The following HCN1 variants were observed in gnomAD, a reference collection of about 807,000 sequenced individuals.
HCN1 encodes hyperpolarization activated cyclic nucleotide gated potassium channel 1.
In HCN1, 13 loss-of-function variants were observed where a neutral mutation model predicts 78.9. The ratio of observed to expected loss-of-function variants is 0.16; its 90% CI spans 0.11 to 0.26. The LOEUF (loss-of-function observed/expected upper bound fraction) is 0.26, where lower values mean the gene tolerates loss of function less well. Among genes scored for constraint, HCN1 ranks in the 10% least tolerant of loss-of-function variants. The pLI is 1.00. For missense variants in HCN1, 810 were observed against 1,154.3 expected (o/e 0.70, Z 4.32); for synonymous variants, 552 against 455.5 (o/e 1.21, Z -2.70).
At chr5:45,623,542 A>G (rs549191921) in intron 2 of HCN1, among the ~76,000 whole-genome samples, 2 of 152,342 alleles carry the variant, frequency 1.3e-5, no homozygotes, top group East Asian at 1.9e-4. Flanking sequence ...TTATTTCTGC[A>G]GCTGGGTAAA....
chr5:45,498,673 G>A (rs537498498), intron 2 of HCN1, among the ~76,000 whole-genome samples: 1 of 152,276 alleles, frequency 6.6e-6, no homozygotes, highest in African/African-American at 2.4e-5. Flanking sequence ...GCTTTTTAGA[G>A]TTTCCAGTTT....
chr5:45,547,685 G>T (rs1415933823), intron 2 of HCN1, among the ~76,000 whole-genome samples: 1 of 151,916 alleles, frequency 6.6e-6, no homozygotes, highest in African/African-American at 2.4e-5. Flanking sequence ...CAATTTTTTA[G>T]GTTCTGATAC....
intron 2 of HCN1, among the ~76,000 whole-genome samples, chr5:45,533,675 G>C (rs1561191762): frequency 6.6e-6 from 1 of 152,154 alleles, no homozygotes. Context: ...ATACCATATG[G>C]AGGGCACAGC....
intron 3 of HCN1, among the ~76,000 whole-genome samples, chr5:45,425,103 A>T (rs1740319366): frequency 6.6e-6 from 1 of 152,208 alleles, no homozygotes; most frequent in Non-Finnish European, 1.5e-5. Context: ...AGCAAGGGAT[A>T]AGTGGTGGTT....
intron 2 of HCN1, among the ~76,000 whole-genome samples, chr5:45,564,742 T>C (rs896862051): frequency 2.6e-5 from 4 of 152,102 alleles, no homozygotes; most frequent in African/African-American, 9.7e-5. Flanking sequence ...TAATTGTCAG[T>C]AGTAAGGAAC....
chr5:45,493,585 T>C (rs1184531403), intron 2 of HCN1, among the ~76,000 whole-genome samples: 2 of 151,948 alleles, frequency 1.3e-5, no homozygotes, highest in African/African-American at 4.8e-5. Context: ...TCTTTTTTTT[T>C]AGCTTTTATT....
intron 2 of HCN1, among the ~76,000 whole-genome samples, chr5:45,637,082 C>G (rs1427910799): frequency 6.6e-6 from 1 of 152,116 alleles, no homozygotes; most frequent in Non-Finnish European, 1.5e-5. Context: ...TATCCCCATA[C>G]TGTCAATGAG....
chr5:45,596,427 C>T (rs1396502855), intron 2 of HCN1, among the ~76,000 whole-genome samples: 1 of 152,138 alleles, frequency 6.6e-6, no homozygotes, highest in Non-Finnish European at 1.5e-5. Flanking sequence ...AGACTGAAAT[C>T]TATAATTTAT....
intron 4 of HCN1, among the ~76,000 whole-genome samples, chr5:45,375,895 A>G (rs1435716149): frequency 1.6e-5 from 2 of 122,738 alleles, no homozygotes; most frequent in Non-Finnish European, 3.1e-5. Flanking sequence ...TATATTATAT[A>G]TGATATAATA....
At chr5:45,555,195 T>G (rs1239372635) in intron 2 of HCN1, among the ~76,000 whole-genome samples, 1 of 151,786 alleles carries the variant, frequency 6.6e-6, no homozygotes, top group South Asian at 2.1e-4. Flanking sequence ...TCAGTATAGA[T>G]GCAGAATACA....
chr5:45,696,189 C>T lies in HCN1; in HGVS notation c.-96G>A, dbSNP rs1385628240. ...CCGAGAGGGTAGGGGCCCGAGCCGG[C>T]TGCCGGCGAGCCCAGCTGCCCGTCG... is the stretch of plus-strand genomic sequence containing the variant. On this transcript the variant is annotated 5_prime_UTR_variant, in exon 1 of 8. Coordinates refer to ENST00000303230, the MANE Select transcript of HCN1 (RefSeq NM_021072.4). 2.4e-4 allele frequency: 177 copies of T among 726,644 alleles called. 3 individuals carry two copies. The East Asian group carries it at 0.013, about 52-fold the overall frequency. 45.0% of individuals were successfully genotyped at this position (726,644 alleles called of 1,614,324 possible). A position where few individuals can be genotyped will look rare whatever the true frequency, so the allele number is the denominator to read the frequency against.
chr5:45,623,212 A>G (rs1025109336), intron 2 of HCN1, among the ~76,000 whole-genome samples: 1 of 152,182 alleles, frequency 6.6e-6, no homozygotes. Context: ...TGTAGGATCC[A>G]TAAGAGGAGA....
chr5:45,303,977 G>T, intron 5 of HCN1, 138 bp from the exon 6 acceptor site: 1 of 799,184 alleles, frequency 1.3e-6, no homozygotes, highest in Non-Finnish European at 2.0e-6. Context: ...TTCTAGTAAT[G>T]CGCATCATAT....
intron 6 of HCN1, among the ~76,000 whole-genome samples, chr5:45,281,933 A>G (rs1287747274): frequency 6.6e-6 from 1 of 152,032 alleles, no homozygotes; most frequent in Admixed American, 6.6e-5. Context: ...GTTTAGTGGA[A>G]TGTTAAAAGA....
intron 5 of HCN1, among the ~76,000 whole-genome samples, chr5:45,306,706 G>C (rs1414254872): frequency 6.6e-6 from 1 of 151,958 alleles, no homozygotes; most frequent in Non-Finnish European, 1.5e-5. Context: ...CCTTTCCTTA[G>C]GGCACATTGA....
intron 5 of HCN1, among the ~76,000 whole-genome samples, chr5:45,334,333 C>G (rs187278297): frequency 1.3e-5 from 2 of 151,800 alleles, no homozygotes; most frequent in Non-Finnish European, 2.9e-5. Flanking sequence ...TCCTCTTTGT[C>G]TACTGAAATT....
At chr5:45,268,802 G>C (rs115378572) in intron 6 of HCN1, among the ~76,000 whole-genome samples, 110 of 152,292 alleles carry the variant, frequency 7.2e-4, no homozygotes, top group African/African-American at 1.9e-3. Context: ...GTGTGTGTCT[G>C]TGTAGGAAAA....
intron 3 of HCN1, among the ~76,000 whole-genome samples, chr5:45,456,969 G>T (rs907573095): frequency 6.6e-6 from 1 of 151,912 alleles, no homozygotes; most frequent in East Asian, 1.9e-4. Flanking sequence ...AACTACAAAA[G>T]CATATTCAGA....
intron 2 of HCN1, among the ~76,000 whole-genome samples, chr5:45,601,516 AAACATGTATAAACTT>A (rs1744624228): frequency 6.6e-6 from 1 of 152,148 alleles, no homozygotes; most frequent in Admixed American, 6.6e-5. Flanking sequence ...TTTTTGTTAC[AAACATGTATAAACTT>A]TAAATAAATC....
Sources: gnomAD v4.1 joint callset for allele counts (sites outside exome capture counted in the v4.1 genomes callset) on GRCh38, gnomAD v4.1.1 for gene constraint, MANE v1.5 for transcripts, NCBI Gene and HGNC (gene_info 2026-07-23, HGNC 2026-07-21) for gene names.